The following COL4A1 variants were observed in gnomAD, a reference collection of about 807,000 sequenced individuals.
The protein encoded by COL4A1 is collagen alpha-1(IV) chain.
A neutral mutation model predicts 216.6 loss-of-function variants in COL4A1; 40 were observed. The ratio of observed to expected loss-of-function variants is 0.18; its 90% CI spans 0.14 to 0.24. COL4A1 has a LOEUF of 0.24. Among genes scored for constraint, COL4A1 ranks in the 10% least tolerant of loss-of-function variants. The pLI is 1.00. For missense variants in COL4A1, 1,628 were observed against 2,196.8 expected, an observed-to-expected ratio of 0.74 and a Z score of 5.18; for synonymous variants, 839 against 810.7, an observed-to-expected ratio of 1.03 and a Z score of -0.59.
chr13:110,242,548 CT>C, intron 2 of COL4A1, 126 bp downstream of exon 2: 1 of 1,067,268 alleles, frequency 9.4e-7, no homozygotes, highest in Non-Finnish European at 1.4e-6. Flanking sequence ...ATTTGTATTG[CT>C]CTGGGGAAAT....
At chr13:110,240,349 G>A (rs1200539947) in intron 2 of COL4A1, among the ~76,000 whole-genome samples, 1 of 152,240 alleles carries the variant, frequency 6.6e-6, no homozygotes, top group Non-Finnish European at 1.5e-5. Flanking sequence ...CCTGGCTAAG[G>A]CCACACAAGG....
chr13:110,176,973 C>T lies in COL4A1; in HGVS notation c.2781G>A (p.Gly927=). 6.2e-7 allele frequency: 1 copy of T among 1,614,118 alleles called. No homozygotes were observed. Among genetic ancestry groups the T allele is most frequent in the Non-Finnish European group, 8.5e-7 (1 of 1,180,030 alleles). The change falls in exon 34 of 52, where the codon GGG becomes GGA. Residue 927 remains glycine, a synonymous_variant. Coordinates refer to ENST00000375820, the MANE Select transcript of COL4A1 (RefSeq NM_001845.6). ...CAGGCTTGCCAGGGAGACCGACATC[C>T]CCCTTATCACCTTTCAAGCCAGGGT... ...RGDPGLKGDK[G]DVGLPGKPGS...
chr13:110,244,382 A>AT lies in COL4A1; in HGVS notation c.85-1649dup, dbSNP rs370088392. ...AGGTCTGTGTTTTTCTCTGACTCAC[A>AT]TTTTAGGCAATTTTCAGCCTACACT... On this transcript the variant is annotated intron_variant, in intron 1 of 51. Coordinates refer to ENST00000375820, the MANE Select transcript of COL4A1 (RefSeq NM_001845.6). Among the ~76,000 whole-genome samples, 676 of 152,202 alleles carry AT rather than the reference A, an allele frequency of 4.4e-3. 6 individuals carry two copies. The highest frequency in any genetic ancestry group is 0.015 in the African/African-American group (643 of 41,502).
intron 41 of COL4A1, 62 bp downstream of exon 41, chr13:110,172,658 T>G: frequency 6.7e-7 from 1 of 1,500,714 alleles, no homozygotes; most frequent in Non-Finnish European, 9.3e-7. Context: ...CACTGCCCCT[T>G]GTTCTGCTAA....
intron 1 of COL4A1, among the ~76,000 whole-genome samples, chr13:110,292,230 A>T (rs1040507884): frequency 1.3e-5 from 2 of 152,182 alleles, no homozygotes; most frequent in Non-Finnish European, 2.9e-5. Context: ...ATCTGCTACC[A>T]AGGCCCTCTA....
chr13:110,270,941 C>T (rs1389481362), intron 1 of COL4A1, among the ~76,000 whole-genome samples: 2 of 152,156 alleles, frequency 1.3e-5, no homozygotes, highest in East Asian at 1.9e-4. Flanking sequence ...CCTGGAACTT[C>T]TGATTCCAGG....
intron 1 of COL4A1, among the ~76,000 whole-genome samples, chr13:110,306,133 ACTCCTGCAAAC>A (rs533719194): frequency 6.6e-5 from 10 of 151,944 alleles, no homozygotes; most frequent in Admixed American, 6.5e-4. Flanking sequence ...GGAAGCCTCG[ACTCCTGCAAAC>A]CTCCTGCAAA....
chr13:110,161,030 AT>A, intron 49 of COL4A1, 161 bp downstream of exon 49: 1 of 834,340 alleles, frequency 1.2e-6, no homozygotes. Flanking sequence ...ATGTCAAATA[AT>A]TTTTATGGTA....
chr13:110,176,756 C>T (rs539454983), intron 34 of COL4A1, 32 bp from the exon 35 acceptor site: 24 of 1,611,994 alleles, frequency 1.5e-5, no homozygotes, highest in South Asian at 8.8e-5. Flanking sequence ...AGCAATGACC[C>T]GCATTTGCTT....
intron 2 of COL4A1, among the ~76,000 whole-genome samples, chr13:110,219,951 C>CACAT (rs1880388847): frequency 1.6e-5 from 1 of 62,710 alleles, no homozygotes; most frequent in African/African-American, 6.1e-5. Context: ...TGTATATATA[C>CACAT]ACATACATAC....
chr13:110,282,112 A>C (rs954297047), intron 1 of COL4A1, among the ~76,000 whole-genome samples: 1 of 152,226 alleles, frequency 6.6e-6, no homozygotes, highest in Non-Finnish European at 1.5e-5. Flanking sequence ...AGTGTATAAA[A>C]CTTTTACAAT....
At chr13:110,270,298 C>T (rs1566433095) in intron 1 of COL4A1, among the ~76,000 whole-genome samples, 1 of 152,216 alleles carries the variant, frequency 6.6e-6, no homozygotes, top group Non-Finnish European at 1.5e-5. Flanking sequence ...TGCAACCTTC[C>T]TCTTAAAGTT....
At chr13:110,232,858 G>A (rs1445059019) in intron 2 of COL4A1, among the ~76,000 whole-genome samples, 2 of 152,086 alleles carry the variant, frequency 1.3e-5, no homozygotes, top group Non-Finnish European at 2.9e-5. Flanking sequence ...TGCAAATCAA[G>A]AGCCATCAAT....
At chr13:110,174,569 C>A (rs756312875) in intron 38 of COL4A1, 43 bp from the exon 39 acceptor site, 3 of 1,614,152 alleles carry the variant, frequency 1.9e-6, no homozygotes, top group Non-Finnish European at 8.5e-7. Context: ...TAAGTTTGGG[C>A]TTTTCTTTGA....
At chr13:110,219,635 T>C (rs983079356) in intron 2 of COL4A1, among the ~76,000 whole-genome samples, 43 of 144,906 alleles carry the variant, frequency 3.0e-4, no homozygotes, top group Admixed American at 2.6e-3. Context: ...AATAAGCCCA[T>C]TGTAAGTTGA....
At chr13:110,248,656 T>A (rs933179831) in intron 1 of COL4A1, among the ~76,000 whole-genome samples, 1 of 152,116 alleles carries the variant, frequency 6.6e-6, no homozygotes, top group Non-Finnish European at 1.5e-5. Flanking sequence ...CACGCCAGGA[T>A]AATTTTTTTG....
chr13:110,297,821 G>T (rs1025960830), intron 1 of COL4A1, among the ~76,000 whole-genome samples: 14 of 151,908 alleles, frequency 9.2e-5, no homozygotes, highest in African/African-American at 3.4e-4. Context: ...CACACTTACT[G>T]AACAAATTTT....
Position 110,176,465 on chromosome 13 carries a change from A to G in COL4A1, c.3017T>C (p.Leu1006Pro). Residue 1006 changes from leucine to proline, a missense_variant, in exon 36 of 52, where the codon CTT becomes CCT. Around this residue, in one of 8 missense-constraint regions of COL4A1, gnomAD observed 58 missense variants for 132.5 expected, o/e 0.44. Transcript: ENST00000375820. ...GISGTPGAPG[L>P]PGPKGSVGGM... is the part of the protein sequence containing the mutation. ...ACCAACAGATCCTTTTGGTCCCGGA[A>G]GTCCTGGAGCACCTGGGGTTCCACT... The G allele has an allele frequency of 6.2e-7, 1 of 1,614,070 alleles. No homozygotes were observed. The highest frequency in any genetic ancestry group is 8.5e-7 in the Non-Finnish European group (1 of 1,179,926).
intron 2 of COL4A1, among the ~76,000 whole-genome samples, chr13:110,227,342 A>C (rs1327204040): frequency 6.7e-6 from 1 of 149,938 alleles, no homozygotes; most frequent in African/African-American, 2.4e-5. Flanking sequence ...ATTTTTTTTT[A>C]AGTTACATCA....
Sources: allele counts gnomAD v4.1 joint callset (sites outside exome capture counted in the v4.1 genomes callset), GRCh38; gene constraint gnomAD v4.1.1; regional missense constraint gnomAD v4.1.1; transcripts MANE v1.5; gene names NCBI Gene and HGNC (gene_info 2026-07-23, HGNC 2026-07-21).